The following MYH15 variants were observed in gnomAD, a reference collection of about 807,000 sequenced individuals.
The protein encoded by MYH15 is myosin heavy chain 15.
In MYH15, 227 loss-of-function variants were observed where a neutral mutation model predicts 240.5. That is an observed-to-expected ratio of 0.94 (90% CI 0.85 to 1.05). The LOEUF (loss-of-function observed/expected upper bound fraction) is 1.05, where lower values mean the gene tolerates loss of function less well. Ranked by LOEUF, MYH15 falls within the 50% of genes least tolerant of loss-of-function variation. The pLI, the probability that MYH15 is intolerant of heterozygous loss-of-function variation, is 0.00. For missense variants in MYH15, 2,217 were observed against 2,247.5 expected, an observed-to-expected ratio of 0.99 and a Z score of 0.27; for synonymous variants, 785 against 796.7, an observed-to-expected ratio of 0.99 and a Z score of 0.25.
At chr3:108,548,387 A>G in the MYH15 span, among the ~76,000 whole-genome samples, 17 of 152,280 alleles carry the variant, frequency 1.1e-4, no homozygotes, top group South Asian at 3.5e-3. Context: ...AAACATAAAA[A>G]GACATTTCTT....
At chr3:108,384,611 G>A in intron 39 of MYH15, 76 bp downstream of exon 39, 1 of 1,338,734 alleles carries the variant, frequency 7.5e-7, no homozygotes, top group South Asian at 1.2e-5. Context: ...TGCTTGCTGA[G>A]CTCAGGGTCA....
intron 24 of MYH15, among the ~76,000 whole-genome samples, chr3:108,438,985 T>G (rs1243641345): frequency 6.6e-6 from 1 of 151,358 alleles, no homozygotes; most frequent in Non-Finnish European, 1.5e-5. Flanking sequence ...TAGGAACAAA[T>G]GTAACACAAC....
intron 9 of MYH15, among the ~76,000 whole-genome samples, chr3:108,491,277 AC>A (rs1442835445): frequency 1.3e-5 from 2 of 152,134 alleles, no homozygotes; most frequent in Non-Finnish European, 2.9e-5. Flanking sequence ...CTCGTTCACC[AC>A]TGTACCCCCT....
intron 31 of MYH15, 123 bp downstream of exon 31, chr3:108,410,460 T>G (rs979600853): frequency 3.5e-6 from 2 of 575,712 alleles, no homozygotes; most frequent in African/African-American, 3.7e-5. Flanking sequence ...CAAACAGAAG[T>G]ATAAAAATTG....
At chr3:108,537,860 A>C in the MYH15 span, among the ~76,000 whole-genome samples, 1 of 152,188 alleles carries the variant, frequency 6.6e-6, no homozygotes, top group Non-Finnish European at 1.5e-5. Flanking sequence ...AGCCCACTTC[A>C]AGGTTGGGAT....
intron 21 of MYH15, among the ~76,000 whole-genome samples, chr3:108,453,508 T>C (rs74885847): frequency 1.3e-5 from 2 of 152,292 alleles, no homozygotes; most frequent in Admixed American, 6.5e-5. Context: ...TGCCTAAGAA[T>C]GTACAAGCAT....
chr3:108,497,752 A>G (rs2107232360), intron 6 of MYH15, among the ~76,000 whole-genome samples: 1 of 152,270 alleles, frequency 6.6e-6, no homozygotes, highest in South Asian at 2.1e-4. Flanking sequence ...CCTTTAGGTA[A>G]GATGGTTTGA....
rs145979432 is a variant in MYH15, at chr3:108,492,939, G to A, written c.775+175C>T. On this transcript the variant is annotated intron_variant, in intron 8 of 40. Transcript: ENST00000693548. ...CACTCCAGCCTGAACAACAGAGTAAGACCCTGTCAAGAAAGAAAAGAAAAG... is the reference window on the plus strand; with the variant it reads ...CACTCCAGCCTGAACAACAGAGTAAAACCCTGTCAAGAAAGAAAAGAAAAG... Among the ~76,000 whole-genome samples, 611 of 150,340 alleles carry A rather than the reference G, an allele frequency of 4.1e-3. 2 individuals carry two copies. Among genetic ancestry groups the A allele is most frequent in the Middle Eastern group, 0.01 (3 of 292 alleles).
chr3:108,536,448 G>T, the MYH15 span, among the ~76,000 whole-genome samples: 1 of 152,190 alleles, frequency 6.6e-6, no homozygotes, highest in Non-Finnish European at 1.5e-5. Context: ...ACAATGCCTA[G>T]CATCAAGGGA....
intron 36 of MYH15, 94 bp from the exon 37 acceptor site, chr3:108,392,024 C>A (rs1576204144): frequency 2.3e-6 from 3 of 1,331,682 alleles, no homozygotes; most frequent in Non-Finnish European, 3.1e-6. Flanking sequence ...TGACTGGCTG[C>A]CACGCCTTGC....
At chr3:108,426,848 C>G (rs1308678749) in intron 27 of MYH15, among the ~76,000 whole-genome samples, 1 of 152,208 alleles carries the variant, frequency 6.6e-6, no homozygotes, top group East Asian at 1.9e-4. Flanking sequence ...CCTGGGGACC[C>G]AAACTCCACC....
intron 1 of MYH15, among the ~76,000 whole-genome samples, chr3:108,518,632 C>T (rs2083592776): frequency 6.6e-6 from 1 of 152,192 alleles, no homozygotes; most frequent in South Asian, 2.1e-4. Context: ...ATCCCCAGGC[C>T]TGACCTGGCT....
At chr3:108,489,671 A>G (rs549406412) in intron 9 of MYH15, among the ~76,000 whole-genome samples, 5 of 152,212 alleles carry the variant, frequency 3.3e-5, no homozygotes, top group African/African-American at 1.2e-4. Flanking sequence ...TCCATACCCA[A>G]TTCTTTTGTA....
chr3:108,434,560 CAT>C (rs1489398108), intron 25 of MYH15, among the ~76,000 whole-genome samples: 1 of 10,422 alleles, frequency 9.6e-5, no homozygotes, highest in African/African-American at 3.8e-4. Context: ...ATATTAATAA[CAT>C]ATTAATTCAA....
At chr3:108,501,058 A>C (rs2083433231) in intron 3 of MYH15, among the ~76,000 whole-genome samples, 1 of 152,212 alleles carries the variant, frequency 6.6e-6, no homozygotes, top group African/African-American at 2.4e-5. Context: ...CTGTTGTTTT[A>C]AGCCACCCAG....
chr3:108,384,584 G>T, intron 39 of MYH15, 103 bp downstream of exon 39: 2 of 1,016,768 alleles, frequency 2.0e-6, no homozygotes, highest in Non-Finnish European at 3.0e-6. Flanking sequence ...AAGCTGAGCA[G>T]GTCCTCTCTG....
chr3:108,414,372 T>C lies in MYH15; in HGVS notation c.4005A>G (p.Leu1335=). Residue 1335 remains leucine (L), a synonymous_variant, in exon 30 of 41, where the codon CTA becomes CTG. Transcript: ENST00000693548. The part of the protein sequence containing the change: ...LQKAQRDCDL[L]REQYEEEQEV... ...CTTGTTCTTCCTCATACTGCTCTCG[T>C]AGAAGGTCACAGTCACGCTGAGCCT... The C allele has an allele frequency of 6.2e-7, 1 of 1,614,158 alleles. No individual in the cohort carries two copies. The highest frequency in any genetic ancestry group is 8.5e-7 in the Non-Finnish European group (1 of 1,180,026).
intron 27 of MYH15, among the ~76,000 whole-genome samples, chr3:108,427,783 G>A (rs968536261): frequency 1.3e-5 from 2 of 152,176 alleles, no homozygotes; most frequent in African/African-American, 4.8e-5. Flanking sequence ...AGTCCATGGA[G>A]ATCAAGCTTT....
chr3:108,386,070 A>T (rs889882290), intron 38 of MYH15, among the ~76,000 whole-genome samples: 3 of 152,244 alleles, frequency 2.0e-5, no homozygotes, highest in Non-Finnish European at 4.4e-5. Context: ...TTATCTGCCT[A>T]TCCCTCAACT....
Sources: allele counts gnomAD v4.1 joint callset (sites outside exome capture counted in the v4.1 genomes callset), GRCh38; gene constraint gnomAD v4.1.1; transcripts MANE v1.5; gene names NCBI Gene and HGNC (gene_info 2026-07-23, HGNC 2026-07-21).